Variants in UBQLN1 observed in about 807,000 individuals in gnomAD.
UBQLN1 encodes ubiquilin-1.
Under a neutral mutation model 65.4 loss-of-function variants are expected in UBQLN1, and 13 were observed. The observed-to-expected ratio is 0.20, with a 90% confidence interval of 0.13 to 0.32. The LOEUF is 0.32. UBQLN1 is among the 10% of genes least tolerant of loss of function. The probability of loss-of-function intolerance (pLI) is 1.00; values close to 1 mark genes in which losing one functional copy is unlikely to be tolerated. For missense variants in UBQLN1, 561 were observed against 724.0 expected, an observed-to-expected ratio of 0.77 and a Z score of 2.58; for synonymous variants, 267 against 247.8, an observed-to-expected ratio of 1.08 and a Z score of -0.73.
intron 5 of UBQLN1, among the ~76,000 whole-genome samples, chr9:83,678,172 C>T (rs536996691): frequency 2.6e-4 from 40 of 152,098 alleles, no homozygotes; most frequent in African/African-American, 9.2e-4. Flanking sequence ...CAGGCGCCCA[C>T]CACCACGCCC....
intron 6 of UBQLN1, among the ~76,000 whole-genome samples, chr9:83,676,329 T>C (rs918510646): frequency 2.0e-5 from 3 of 152,220 alleles, no homozygotes; most frequent in African/African-American, 7.2e-5. Context: ...AGTAAAAGGA[T>C]GCAAAACTGA....
intron 1 of UBQLN1, among the ~76,000 whole-genome samples, chr9:83,692,642 C>T (rs1409859038): frequency 1.3e-5 from 2 of 152,136 alleles, no homozygotes; most frequent in Admixed American, 1.3e-4. Flanking sequence ...CACCTGAGGT[C>T]GGCAGTTTGA....
intron 3 of UBQLN1, 21 bp downstream of exon 3, chr9:83,682,930 G>T: frequency 6.8e-7 from 1 of 1,474,556 alleles, no homozygotes; most frequent in South Asian, 1.2e-5. Flanking sequence ...CATCCCTACT[G>T]GAATGACTAA....
At chr9:83,673,124 G>A (rs1831761451) in intron 6 of UBQLN1, among the ~76,000 whole-genome samples, 1 of 152,098 alleles carries the variant, frequency 6.6e-6, no homozygotes, top group African/African-American at 2.4e-5. Context: ...CAGCTACTGG[G>A]GAGGCTGAGA....
intron 1 of UBQLN1, among the ~76,000 whole-genome samples, chr9:83,706,866 A>G (rs1832417552): frequency 6.6e-6 from 1 of 152,156 alleles, no homozygotes; most frequent in Admixed American, 6.5e-5. Context: ...TCATCAGTGA[A>G]AGAAAGTCAT....
intron 1 of UBQLN1, among the ~76,000 whole-genome samples, chr9:83,700,364 T>C (rs1333296611): frequency 2.0e-5 from 3 of 152,088 alleles, no homozygotes; most frequent in African/African-American, 7.2e-5. Flanking sequence ...CTACACTCAG[T>C]AAAGGTTCAA....
intron 6 of UBQLN1, among the ~76,000 whole-genome samples, chr9:83,670,960 CTTT>C (rs955494175): frequency 6.6e-6 from 1 of 152,158 alleles, no homozygotes; most frequent in Non-Finnish European, 1.5e-5. Flanking sequence ...TGCTCCACCT[CTTT>C]TTTTCTTTTT....
chr9:83,707,501 T>C lies in UBQLN1; in HGVS notation c.179A>G (p.Gln60Arg). The C allele has an allele frequency of 1.2e-6, 2 of 1,607,388 alleles. No homozygotes were observed. Among genetic ancestry groups the C allele is most frequent in the Non-Finnish European group, 1.7e-6 (2 of 1,177,368 alleles). Residue 60 changes from glutamine (Q) to arginine (R), a missense_variant and splice_region_variant, in exon 1 of 11, where the codon CAG becomes CGG. Physicochemically the swap from Gln to Arg is conservative, Grantham distance 43 (BLOSUM62 1). Transcript: ENST00000376395. Reference protein sequence around the residue: ...FAVPENSSVQQFKEEISKRFK... With the variant: ...FAVPENSSVQRFKEEISKRFK... ...GGCCCGAGCCCCAGGCGGCCTCACC[T>C]GCTGGACGGAGCTATTCTCGGGCAC...
intron 1 of UBQLN1, among the ~76,000 whole-genome samples, chr9:83,691,113 G>A (rs1364452732): frequency 6.6e-6 from 1 of 151,928 alleles, no homozygotes; most frequent in Non-Finnish European, 1.5e-5. Flanking sequence ...ACTCCAGCCT[G>A]GGTGACAGAG....
chr9:83,706,126 CA>C (rs5898834), intron 1 of UBQLN1, among the ~76,000 whole-genome samples: 106,499 of 151,982 alleles, frequency 0.7, 38,099 homozygotes, highest in East Asian at 0.88. Flanking sequence ...AAAATTACGT[CA>C]AAAAAACGTA....
rs11140217 is a variant in UBQLN1, at chr9:83,699,034, A to T, written c.180+8466T>A. On this transcript the variant is annotated intron_variant, in intron 1 of 10. Transcript: ENST00000376395. ...AACACTGTCTTATTCCACTTATATG[A>T]AATACCTAGAGTAGTCAAATTCAGA... Among the ~76,000 whole-genome samples the T allele has an allele frequency of 8.3e-3, 1,266 of 152,354 alleles. 35 individuals carry two copies. Among genetic ancestry groups the T allele is most frequent in the East Asian group, 0.046 (237 of 5,192 alleles).
At chr9:83,676,983 G>A (rs1471077131) in intron 6 of UBQLN1, among the ~76,000 whole-genome samples, 1 of 152,184 alleles carries the variant, frequency 6.6e-6, no homozygotes, top group Non-Finnish European at 1.5e-5. Flanking sequence ...GTTCACACAT[G>A]AGAATCTGCT....
At position 83,683,082 on chromosome 9, in the gene UBQLN1, A is replaced by G. The variant is rs780343778; in HGVS notation, c.333-16T>C. ...ATCCTGAGGCCTAGGGAAAATAATT[A>G]ATCACAGAGTAAGCAGTAGAGCTGA... On this transcript the variant is annotated splice_polypyrimidine_tract_variant and intron_variant, in intron 2 of 10. Coordinates refer to ENST00000376395, the MANE Select transcript of UBQLN1 (RefSeq NM_013438.5). 9.6e-6 allele frequency: 15 copies of G among 1,564,038 alleles called. No individual in the cohort carries two copies. Among genetic ancestry groups the G allele is most frequent in the Non-Finnish European group, 1.3e-5 (15 of 1,137,242 alleles).
At chr9:83,665,402 T>C (rs973293758) in intron 8 of UBQLN1, 4 of 351,538 alleles carry the variant, frequency 1.1e-5, no homozygotes, top group Admixed American at 4.7e-5. Flanking sequence ...AGGAGCTACT[T>C]TGGAAGCCAC....
At chr9:83,693,487 T>C (rs1236973837) in intron 1 of UBQLN1, among the ~76,000 whole-genome samples, 1 of 152,118 alleles carries the variant, frequency 6.6e-6, no homozygotes, top group African/African-American at 2.4e-5. Context: ...AACCAGACTG[T>C]CAAGTTCTTG....
In UBQLN1 at chr9:83,679,927, C is replaced by A; in HGVS notation, c.559G>T (p.Val187Phe). ...RQLLSNPEMM[V>F]QIMENPFVQS... ...ACAAAGGGATTTTCCATGATCTGGA[C>A]CATCATTTCAGGGTTAGACAAAAGT... is the stretch of plus-strand genomic sequence containing the variant. The change falls in exon 4 of 11, where the codon GTC becomes TTC. Residue 187 changes from valine (V) to phenylalanine (F), a missense_variant. Physicochemically the swap from Val to Phe is conservative, Grantham distance 50 (BLOSUM62 -1). Around this residue, in one of 8 missense-constraint regions of UBQLN1, gnomAD observed 87 missense variants for 88.8 expected, o/e 0.98. Coordinates refer to ENST00000376395, the MANE Select transcript of UBQLN1 (RefSeq NM_013438.5). The A allele has an allele frequency of 6.2e-7, 1 of 1,614,120 alleles. No homozygotes were observed.
intron 1 of UBQLN1, among the ~76,000 whole-genome samples, chr9:83,697,143 G>C (rs1832229349): frequency 6.6e-6 from 1 of 151,966 alleles, no homozygotes; most frequent in Non-Finnish European, 1.5e-5. Flanking sequence ...GCAGTGGATC[G>C]GTGAGGCCTC....
intron 8 of UBQLN1, 96 bp downstream of exon 8, chr9:83,666,254 T>G: frequency 8.5e-7 from 1 of 1,177,880 alleles, no homozygotes; most frequent in African/African-American, 1.5e-5. Context: ...ATTCTATGTT[T>G]TGCTATCAGC....
intron 1 of UBQLN1, among the ~76,000 whole-genome samples, chr9:83,705,321 A>G (rs1587667643): frequency 1.4e-5 from 2 of 142,392 alleles, no homozygotes; most frequent in Admixed American, 7.3e-5. Context: ...GCTCACTGTA[A>G]CCTCCCTCTC....
Sources: gnomAD v4.1 joint callset for allele counts (sites outside exome capture counted in the v4.1 genomes callset) on GRCh38, gnomAD v4.1.1 for gene constraint, gnomAD v4.1.1 regional missense constraint, MANE v1.5 for transcripts, NCBI Gene and HGNC (gene_info 2026-07-23, HGNC 2026-07-21) for gene names.